ZNF133: variants seen among roughly 807,000 people sequenced by gnomAD.
ZNF133 encodes the protein zinc finger protein 133, also known as zinc finger protein 133 (clone pHZ-13).
In ZNF133, 26 loss-of-function variants were observed where a neutral mutation model predicts 54.9. The ratio of observed to expected loss-of-function variants is 0.47; its 90% CI spans 0.35 to 0.66. The LOEUF (loss-of-function observed/expected upper bound fraction) is 0.66, where lower values mean the gene tolerates loss of function less well. Ranked by LOEUF, ZNF133 falls within the 30% of genes least tolerant of loss-of-function variation. ZNF133 has a pLI of 0.01. For missense variants in ZNF133, 653 were observed against 820.8 expected, an observed-to-expected ratio of 0.80 and a Z score of 2.50; for synonymous variants, 298 against 320.3, an observed-to-expected ratio of 0.93 and a Z score of 0.74.
At chr20:18,292,271 T>C (rs2041236380) in intron 1 of ZNF133, among the ~76,000 whole-genome samples, 1 of 152,212 alleles carries the variant, frequency 6.6e-6, no homozygotes, top group African/African-American at 2.4e-5. Flanking sequence ...ATGTGTTTGC[T>C]CAAAATCTTC....
intron 6 of ZNF133, chr20:18,310,166 A>G: frequency 7.5e-7 from 1 of 1,333,872 alleles, no homozygotes; most frequent in East Asian, 2.8e-5. Context: ...TTTTAATTTA[A>G]AGAAAAACAG....
In ZNF133 at chr20:18,315,837, G is replaced by A. The variant is rs766908534; in HGVS notation, c.986G>A (p.Arg329Gln). ...THSGEKPYVC[R>Q]ECGKGFSQKS... is the part of the protein sequence containing the mutation. ...TCAGGGGAAAAGCCTTACGTGTGCCGGGAATGTGGCAAAGGCTTCAGCCAG... is the reference window on the plus strand; with the variant it reads ...TCAGGGGAAAAGCCTTACGTGTGCCAGGAATGTGGCAAAGGCTTCAGCCAG... Residue 329 changes from arginine to glutamine, a missense_variant, in exon 7 of 7, where the codon CGG becomes CAG. By Grantham distance (43) the Arg-to-Gln change is conservative. Transcript: ENST00000425686. The A allele has an allele frequency of 7.4e-6, 12 of 1,612,152 alleles. No individual in the cohort carries two copies. Among genetic ancestry groups the A allele is most frequent in the African/African-American group, 4.0e-5 (3 of 74,722 alleles).
chr20:18,315,123 G>A lies in ZNF133; in HGVS notation c.272G>A (p.Ser91Asn), dbSNP rs1466847111. Residue 91 changes from serine to asparagine, a missense_variant, in exon 7 of 7, where the codon AGT becomes AAT. Ser to Asn is a conservative substitution (Grantham distance 46). Coordinates refer to ENST00000425686, the MANE Select transcript of ZNF133 (RefSeq NM_001352452.2). Reference protein sequence around the residue: ...LDPFCPPGFSSQKFPMQHVLC... With the variant: ...LDPFCPPGFSNQKFPMQHVLC... ...CCTTTCTGCCCTCCGGGTTTCTCCA[G>A]TCAGAAATTCCCCATGCAGCATGTG... The A allele has an allele frequency of 1.3e-6, 2 of 1,576,094 alleles. No individual in the cohort carries two copies. The highest frequency in any genetic ancestry group is 2.3e-5 in the South Asian group (2 of 85,204).
chr20:18,304,555 A>G (rs1407849772), intron 3 of ZNF133, among the ~76,000 whole-genome samples: 1 of 152,258 alleles, frequency 6.6e-6, no homozygotes, highest in Non-Finnish European at 1.5e-5. Context: ...TTTAGCCTTA[A>G]CAAGGAAGTA....
At chr20:18,303,383 C>G (rs1170624936) in intron 3 of ZNF133, among the ~76,000 whole-genome samples, 1 of 152,040 alleles carries the variant, frequency 6.6e-6, no homozygotes, top group Admixed American at 6.5e-5. Flanking sequence ...ACTACTCAAA[C>G]CAATCTACAG....
chr20:18,292,117 T>C (rs1001614898), intron 1 of ZNF133, among the ~76,000 whole-genome samples: 3 of 152,348 alleles, frequency 2.0e-5, no homozygotes, highest in African/African-American at 7.2e-5. Flanking sequence ...CATGCCCTGC[T>C]GTTTCCACCA....
At position 18,308,426 on chromosome 20, in the gene ZNF133, G is replaced by A. The variant is rs146399931; in HGVS notation, c.217+2033G>A. Among the ~76,000 whole-genome samples the A allele has an allele frequency of 8.3e-4, 127 of 152,138 alleles. 1 individual carries two copies. Among genetic ancestry groups the A allele is most frequent in the African/African-American group, 2.7e-3 (112 of 41,510 alleles). On this transcript the variant is annotated intron_variant, in intron 6 of 6. Transcript: ENST00000425686. Reference sequence around the variant, plus strand: ...AGGAATCCTAAAGCTCTCCACAGTCGTAATTTATATCAACTTCTCCATTTA... The same window carrying A: ...AGGAATCCTAAAGCTCTCCACAGTCATAATTTATATCAACTTCTCCATTTA...
intron 1 of ZNF133, 91 bp downstream of exon 1, chr20:18,288,695 T>G (rs1039834164): frequency 5.0e-6 from 2 of 398,274 alleles, no homozygotes; most frequent in Admixed American, 4.4e-5. Flanking sequence ...TGGGCTGAAT[T>G]TGGGGACCGT....
intron 1 of ZNF133, among the ~76,000 whole-genome samples, chr20:18,290,987 C>T (rs1169930250): frequency 3.3e-5 from 5 of 152,138 alleles, no homozygotes; most frequent in Admixed American, 6.5e-5. Flanking sequence ...ATTAGCCAGG[C>T]GTGGTGGCAC....
intron 5 of ZNF133, among the ~76,000 whole-genome samples, 186 bp from the exon 6 acceptor site, chr20:18,306,112 A>G (rs1316514357): frequency 1.3e-5 from 2 of 152,154 alleles, no homozygotes; most frequent in African/African-American, 4.8e-5. Context: ...GGCATGGAAT[A>G]GAATCAGTGT....
Position 18,306,320 on chromosome 20 carries a change from A to T in ZNF133, c.144A>T (p.Glu48Asp), listed in dbSNP as rs1455524539. Residue 48 changes from glutamate (E) to aspartate (D), a missense_variant, in exon 6 of 7, where the codon GAA becomes GAT. Glu to Asp is a conservative substitution (Grantham distance 45, BLOSUM62 2). Transcript: ENST00000425686. ...CAGGAATTTCATTTTCTAAACCAGA[A>T]CTCATCACCCAGCTGGAGCAAGGGA... ...VSLGISFSKP[E>D]LITQLEQGKE... is the part of the protein sequence containing the mutation. 6.2e-7 allele frequency: 1 copy of T among 1,613,896 alleles called. No individual in the cohort carries two copies.
chr20:18,306,840 T>C, intron 6 of ZNF133: 24 of 1,049,710 alleles, frequency 2.3e-5, no homozygotes, highest in Non-Finnish European at 2.9e-5. Context: ...GAATGGCTTT[T>C]ACATTTTATA....
chr20:18,303,331 G>A (rs1404157859), intron 3 of ZNF133, among the ~76,000 whole-genome samples: 1 of 152,106 alleles, frequency 6.6e-6, no homozygotes, highest in Non-Finnish European at 1.5e-5. Flanking sequence ...ACAGATGTGA[G>A]CCACCGCACC....
At chr20:18,313,598 C>T (rs1568795166) in intron 6 of ZNF133, 1 of 152,158 alleles carries the variant, frequency 6.6e-6, no homozygotes, top group African/African-American at 2.4e-5. Flanking sequence ...CTTCTCCTGT[C>T]GTATTCAAGA....
intron 6 of ZNF133, among the ~76,000 whole-genome samples, chr20:18,312,255 G>T (rs1388179328): frequency 6.6e-6 from 1 of 152,208 alleles, no homozygotes; most frequent in Admixed American, 6.5e-5. Flanking sequence ...GTGGCTGCAT[G>T]TTGGTGCTTA....
intron 6 of ZNF133, chr20:18,306,642 C>T: frequency 8.4e-7 from 1 of 1,196,896 alleles, no homozygotes; most frequent in Non-Finnish European, 1.1e-6. Flanking sequence ...TTTCTCCTCT[C>T]TAGCTCACTC....
At chr20:18,311,885 A>G (rs888458660) in intron 6 of ZNF133, among the ~76,000 whole-genome samples, 2 of 152,238 alleles carry the variant, frequency 1.3e-5, no homozygotes, top group African/African-American at 4.8e-5. Context: ...ATATATCTAC[A>G]TGTGCCTAAT....
intron 6 of ZNF133, 70 bp downstream of exon 6, chr20:18,306,463 T>G: frequency 6.8e-7 from 1 of 1,480,794 alleles, no homozygotes; most frequent in Non-Finnish European, 9.3e-7. Context: ...AGAGGAGGCG[T>G]TGCTCAGGTG....
intron 6 of ZNF133, chr20:18,306,614 T>C: frequency 2.0e-6 from 2 of 983,326 alleles, no homozygotes; most frequent in East Asian, 3.3e-5. Context: ...CTAGGAAGCC[T>C]TTTTTCCTCC....
Sources: allele counts gnomAD v4.1 joint callset (sites outside exome capture counted in the v4.1 genomes callset), GRCh38; gene constraint gnomAD v4.1.1; transcripts MANE v1.5; gene names NCBI Gene and HGNC (gene_info 2026-07-23, HGNC 2026-07-21).